The following ALDH1A2 variants were observed in gnomAD, a reference collection of about 807,000 sequenced individuals.
ALDH1A2 encodes aldehyde dehydrogenase 1 family member A2.
ALDH1A2 carries 27 observed loss-of-function variants against 60.3 expected under a neutral mutation model. The ratio of observed to expected loss-of-function variants is 0.45; its 90% CI spans 0.33 to 0.62. ALDH1A2 has a LOEUF of 0.62. Ranked by LOEUF, ALDH1A2 falls within the 20% of genes least tolerant of loss-of-function variation. ALDH1A2 has a pLI of 0.02. For synonymous variants in ALDH1A2, 289 were observed against 232.4 expected (o/e 1.24, Z -2.21); for missense variants, 581 against 643.8 (o/e 0.90, Z 1.06).
At chr15:58,043,158 C>T (rs976539072) in intron 1 of ALDH1A2, among the ~76,000 whole-genome samples, 26 of 151,926 alleles carry the variant, frequency 1.7e-4, no homozygotes, top group African/African-American at 6.3e-4. Context: ...GACCTGGTGA[C>T]TGAAGGAAGG....
intron 1 of ALDH1A2, chr15:58,058,064 ATCT>A: frequency 6.5e-7 from 1 of 1,534,204 alleles, no homozygotes; most frequent in Non-Finnish European, 8.7e-7. Context: ...CTGATTCTTC[ATCT>A]TCTCCCAAAA....
chr15:57,984,543 C>G (rs1464722461), intron 7 of ALDH1A2, among the ~76,000 whole-genome samples: 5 of 152,170 alleles, frequency 3.3e-5, no homozygotes, highest in African/African-American at 1.2e-4. Flanking sequence ...TTCTCCCAGT[C>G]CTTTGCAACC....
At chr15:58,005,703 C>A (rs1189263288) in intron 4 of ALDH1A2, among the ~76,000 whole-genome samples, 3 of 151,794 alleles carry the variant, frequency 2.0e-5, no homozygotes, top group Non-Finnish European at 4.4e-5. Flanking sequence ...AAAAATTTAA[C>A]AACAAAAAAC....
rs186254060 is a variant in ALDH1A2 at position 57,994,966 on chromosome 15, T to A, written c.555+112A>T. The A allele has an allele frequency of 3.8e-6, 4 of 1,058,172 alleles. No individual in the cohort carries two copies. The African/African-American group carries it at 4.7e-5, about 12-fold the overall frequency. The allele number at this position is 1,058,172 out of a possible 1,614,324, so 65.5% of individuals were successfully genotyped here. ...GATATGTCAACAACATGAGCTCAGT[T>A]TTTTTTCCTCCAGTAATGGAAAACA... is the stretch of plus-strand genomic sequence containing the variant. On this transcript the variant is annotated intron_variant, in intron 5 of 12. Transcript: ENST00000249750.
chr15:57,966,098 A>T (rs1390235838), intron 7 of ALDH1A2, among the ~76,000 whole-genome samples: 1 of 152,218 alleles, frequency 6.6e-6, no homozygotes, highest in South Asian at 2.1e-4. Flanking sequence ...TCACTGAAAG[A>T]TTTCTCTAAA....
chr15:57,995,303 C>T (rs1895020136), intron 4 of ALDH1A2, among the ~76,000 whole-genome samples, 164 bp from the exon 5 acceptor site: 1 of 148,492 alleles, frequency 6.7e-6, no homozygotes, highest in Non-Finnish European at 1.5e-5. Flanking sequence ...AAGCCTAACA[C>T]TGGACATAGC....
intron 7 of ALDH1A2, among the ~76,000 whole-genome samples, chr15:57,967,138 A>G (rs7164408): frequency 0.36 from 54,502 of 151,504 alleles, 10,626 homozygotes; most frequent in Non-Finnish European, 0.45. Context: ...AACCCCAGCT[A>G]GGAGAAAAGG....
intron 1 of ALDH1A2, among the ~76,000 whole-genome samples, chr15:58,041,798 C>T (rs1287188527): frequency 6.6e-6 from 1 of 151,918 alleles, no homozygotes; most frequent in Non-Finnish European, 1.5e-5. Context: ...CAGACAGTAA[C>T]AAACTACTGG....
chr15:57,957,027 G>A (rs889266280), intron 12 of ALDH1A2, among the ~76,000 whole-genome samples: 1 of 152,228 alleles, frequency 6.6e-6, no homozygotes, highest in Admixed American at 6.5e-5. Flanking sequence ...GCAGTGATCT[G>A]TGCACGGGGG....
Position 57,961,217 on chromosome 15 carries a change from A to G in ALDH1A2, c.1329T>C (p.Phe443=), listed in dbSNP as rs1165114139. 2 of 1,614,164 alleles carry G rather than the reference A, an allele frequency of 1.2e-6. No individual in the cohort carries two copies. Among genetic ancestry groups the G allele is most frequent in the Admixed American group, 3.3e-5 (2 of 60,024 alleles). Residue 443 remains phenylalanine, a synonymous_variant, in exon 11 of 13, where the codon TTT becomes TTC. Coordinates refer to ENST00000249750, the MANE Select transcript of ALDH1A2 (RefSeq NM_003888.4). ...TAGTAAAGACAGCTGCTACGAGTCCAAAGTCTGAGTTATTGGCTCTTTCGA... is the reference window on the plus strand; with the variant it reads ...TAGTAAAGACAGCTGCTACGAGTCCGAAGTCTGAGTTATTGGCTCTTTCGA... ...EVIERANNSD[F]GLVAAVFTND...
intron 1 of ALDH1A2, among the ~76,000 whole-genome samples, chr15:58,049,911 C>G (rs1896733523): frequency 1.3e-5 from 2 of 152,024 alleles, no homozygotes; most frequent in Non-Finnish European, 1.5e-5. Flanking sequence ...CCTATCTTCC[C>G]TAGGTTCAAT....
intron 1 of ALDH1A2, among the ~76,000 whole-genome samples, chr15:58,058,626 G>A (rs1197255725): frequency 2.0e-5 from 3 of 152,042 alleles, no homozygotes; most frequent in African/African-American, 7.2e-5. Context: ...TCAGATTCAT[G>A]ATATGCTAAA....
chr15:58,058,179 C>T lies in ALDH1A2; in HGVS notation c.117+7355G>A, dbSNP rs113608769. 65 of 1,014,958 alleles carry T rather than the reference C, an allele frequency of 6.4e-5. 5 individuals carry two copies. Among genetic ancestry groups the T allele is most frequent in the African/African-American group, 5.4e-4 (34 of 62,580 alleles). 62.9% of individuals were successfully genotyped at this position (1,014,958 alleles called of 1,614,324 possible). On this transcript the variant is annotated intron_variant, in intron 1 of 12. Transcript: ENST00000249750. ...CATTTCATAATTTCACCTTCCCAGG[C>T]AAAGCCTTCCCCTCCTCCTTCCCAC...
intron 1 of ALDH1A2, among the ~76,000 whole-genome samples, chr15:58,039,118 T>C (rs1896450332): frequency 6.6e-6 from 1 of 151,846 alleles, no homozygotes; most frequent in African/African-American, 2.4e-5. Context: ...CAGACTCCAA[T>C]GGCTGTTGAT....
chr15:58,035,985 C>T (rs1448380809), intron 1 of ALDH1A2, among the ~76,000 whole-genome samples: 1 of 151,710 alleles, frequency 6.6e-6, no homozygotes, highest in African/African-American at 2.4e-5. Context: ...TATCAATTTC[C>T]AGATCACTGT....
Position 58,013,878 on chromosome 15 carries a change from G to T in ALDH1A2, c.343C>A (p.Arg115=). The change falls in exon 3 of 13, where the codon CGG becomes AGG. Residue 115 remains arginine (R), a synonymous_variant. Transcript: ENST00000249750. ...LLDKLADLVE[R]DRAVLATMES... ...CTTACTGCAAGAACTGCCCTGTCCC[G>T]TTCCACCAAGTCTGCAAGCTTATCC... 2 of 1,614,128 alleles carry T rather than the reference G, an allele frequency of 1.2e-6. No individual in the cohort carries two copies. The highest frequency in any genetic ancestry group is 8.5e-7 in the Non-Finnish European group (1 of 1,179,992).
chr15:58,058,125 T>C (rs1701739256), intron 1 of ALDH1A2: 1 of 1,467,410 alleles, frequency 6.8e-7, no homozygotes, highest in Non-Finnish European at 9.2e-7. Context: ...AAATAAGACT[T>C]TCAGTTGTTC....
chr15:57,970,539 A>T (rs2140460151), intron 7 of ALDH1A2, among the ~76,000 whole-genome samples: 1 of 152,316 alleles, frequency 6.6e-6, no homozygotes, highest in Non-Finnish European at 1.5e-5. Flanking sequence ...TTGCAAGAAA[A>T]ATAATTTGTT....
At chr15:57,969,145 T>TA (rs1369722663) in intron 7 of ALDH1A2, among the ~76,000 whole-genome samples, 7 of 152,218 alleles carry the variant, frequency 4.6e-5, no homozygotes, top group Non-Finnish European at 1.0e-4. Flanking sequence ...AGGACACTCC[T>TA]AAACAGCCCT....
Sources: allele counts gnomAD v4.1 joint callset (sites outside exome capture counted in the v4.1 genomes callset), GRCh38; gene constraint gnomAD v4.1.1; transcripts MANE v1.5; gene names NCBI Gene and HGNC (gene_info 2026-07-23, HGNC 2026-07-21).